The following ZDHHC14 variants were observed in gnomAD, a reference collection of about 807,000 sequenced individuals.
ZDHHC14 encodes palmitoyltransferase ZDHHC14.
In ZDHHC14, 16 loss-of-function variants were observed where a neutral mutation model predicts 47.7. The observed-to-expected ratio is 0.34, with a 90% CI of 0.23 to 0.51. The LOEUF (loss-of-function observed/expected upper bound fraction) is 0.51. Ranked by LOEUF, ZDHHC14 falls within the 20% of genes least tolerant of loss-of-function variation. The pLI is 0.97. For synonymous variants in ZDHHC14, 293 were observed against 278.9 expected, an observed-to-expected ratio of 1.05 and a Z score of -0.50; for missense variants, 515 against 662.5, an observed-to-expected ratio of 0.78 and a Z score of 2.44.
chr6:157,415,566 G>A (rs1032288377), intron 1 of ZDHHC14, among the ~76,000 whole-genome samples: 1 of 152,202 alleles, frequency 6.6e-6, no homozygotes, highest in Non-Finnish European at 1.5e-5. Flanking sequence ...GAATGCTTTA[G>A]AAGGGTGGAT....
chr6:157,553,635 G>T (rs1562477964), intron 2 of ZDHHC14, among the ~76,000 whole-genome samples: 1 of 151,800 alleles, frequency 6.6e-6, no homozygotes, highest in Non-Finnish European at 1.5e-5. Flanking sequence ...ATGCTGGGGG[G>T]TGGGAGAGGG....
At chr6:157,385,758 G>T (rs903828181) in intron 1 of ZDHHC14, among the ~76,000 whole-genome samples, 4 of 152,254 alleles carry the variant, frequency 2.6e-5, no homozygotes, top group Admixed American at 2.0e-4. Flanking sequence ...GCTTCTGGCT[G>T]CAAAGCCAGT....
At chr6:157,642,772 A>G (rs1777317733) in intron 5 of ZDHHC14, among the ~76,000 whole-genome samples, 1 of 152,166 alleles carries the variant, frequency 6.6e-6, no homozygotes, top group Non-Finnish European at 1.5e-5. Context: ...CTGTTTCTTG[A>G]CCTTATTATG....
intron 2 of ZDHHC14, among the ~76,000 whole-genome samples, chr6:157,549,391 A>G (rs1282774349): frequency 6.6e-6 from 1 of 152,142 alleles, no homozygotes; most frequent in Non-Finnish European, 1.5e-5. Flanking sequence ...GCCTTTTTCT[A>G]GTGGGACGCT....
intron 1 of ZDHHC14, among the ~76,000 whole-genome samples, chr6:157,538,875 G>A (rs2047970): frequency 6.6e-6 from 1 of 151,938 alleles, no homozygotes. Context: ...GAGTGAAAGC[G>A]GGTGCCTGCC....
intron 1 of ZDHHC14, among the ~76,000 whole-genome samples, chr6:157,388,893 C>T (rs941670379): frequency 2.4e-4 from 37 of 152,186 alleles, no homozygotes; most frequent in African/African-American, 8.4e-4. Flanking sequence ...CATCTTCCTG[C>T]CCATCCCTGA....
chr6:157,484,393 TATATACATATATATGTATACAC>T (rs1201696586), intron 1 of ZDHHC14, among the ~76,000 whole-genome samples: 6 of 146,316 alleles, frequency 4.1e-5, no homozygotes, highest in African/African-American at 1.3e-4. Flanking sequence ...TATATACGTA[TATATACATATATATGTATACAC>T]ATATACATAT....
chr6:157,422,322 T>C (rs1778126284), intron 1 of ZDHHC14, among the ~76,000 whole-genome samples: 1 of 152,204 alleles, frequency 6.6e-6, no homozygotes, highest in Non-Finnish European at 1.5e-5. Context: ...AAATTGTATT[T>C]TTTTTTTCTC....
chr6:157,535,935 G>A (rs959785482), intron 1 of ZDHHC14, among the ~76,000 whole-genome samples: 3 of 152,172 alleles, frequency 2.0e-5, no homozygotes, highest in African/African-American at 7.2e-5. Flanking sequence ...CTGCCTGTAA[G>A]TGAAAAGTAC....
chr6:157,411,004 T>C (rs1319987041), intron 1 of ZDHHC14, among the ~76,000 whole-genome samples: 1 of 152,148 alleles, frequency 6.6e-6, no homozygotes, highest in Non-Finnish European at 1.5e-5. Context: ...CTTGATTCCA[T>C]CTTTAACACC....
intron 2 of ZDHHC14, among the ~76,000 whole-genome samples, chr6:157,591,274 T>C (rs930812925): frequency 1.4e-4 from 22 of 152,144 alleles, no homozygotes; most frequent in African/African-American, 4.8e-4. Context: ...AGGGGCAGAA[T>C]GATATGGTTT....
chr6:157,492,431 CAAAGCGGGAAAGCGGG>C (rs201912099), intron 1 of ZDHHC14, among the ~76,000 whole-genome samples: 98 of 151,752 alleles, frequency 6.5e-4, no homozygotes, highest in Middle Eastern at 3.4e-3. Flanking sequence ...GGGAAACCGG[CAAAGCGGGAAAGCGGG>C]AAAGCGGGAA....
intron 1 of ZDHHC14, among the ~76,000 whole-genome samples, chr6:157,498,413 G>A (rs2114735582): frequency 6.6e-6 from 1 of 152,214 alleles, no homozygotes; most frequent in Middle Eastern, 3.4e-3. Context: ...ATGAGCAGAG[G>A]TGGAAAAGTG....
chr6:157,589,224 C>A (rs978312524), intron 2 of ZDHHC14, among the ~76,000 whole-genome samples: 1 of 152,076 alleles, frequency 6.6e-6, no homozygotes, highest in African/African-American at 2.4e-5. Context: ...ACAATGAGAT[C>A]TCATGATAAC....
intron 2 of ZDHHC14, among the ~76,000 whole-genome samples, chr6:157,568,281 A>G (rs995424596): frequency 1.3e-5 from 2 of 152,226 alleles, no homozygotes; most frequent in African/African-American, 4.8e-5. Context: ...AAAAGAATAA[A>G]GAAGAAAATG....
At chr6:157,473,994 T>C (rs1215973326) in intron 1 of ZDHHC14, among the ~76,000 whole-genome samples, 8 of 149,878 alleles carry the variant, frequency 5.3e-5, no homozygotes, top group South Asian at 2.1e-4. Context: ...TTTTCTTTTT[T>C]TTTTTTTTTT....
intron 3 of ZDHHC14, among the ~76,000 whole-genome samples, chr6:157,611,071 G>A (rs1784732881): frequency 2.0e-5 from 3 of 152,120 alleles, no homozygotes; most frequent in Non-Finnish European, 2.9e-5. Context: ...CTGGAGTGCT[G>A]TGATGCAATC....
chr6:157,438,009 GT>G lies in ZDHHC14; in HGVS notation c.245+55751del, dbSNP rs1316124331. 1.7e-4 allele frequency among the ~76,000 whole-genome samples: 26 copies of G among 151,602 alleles called. 1 individual carries two copies. Among genetic ancestry groups the G allele is most frequent in the Admixed American group, 1.4e-3 (22 of 15,228 alleles). On this transcript the variant is annotated intron_variant, in intron 1 of 8. Transcript: ENST00000359775. ...AAAGTTAGGTGTACTGAACTATCAT[GT>G]TTTTTTTATTGAGGTAAAATATACA...
intron 1 of ZDHHC14, among the ~76,000 whole-genome samples, chr6:157,520,042 G>A (rs959190803): frequency 1.3e-5 from 2 of 152,194 alleles, no homozygotes; most frequent in Non-Finnish European, 2.9e-5. Flanking sequence ...GGGAAGAGAA[G>A]GGCATTGCAG....
Sources: allele counts gnomAD v4.1 joint callset (sites outside exome capture counted in the v4.1 genomes callset), GRCh38; gene constraint gnomAD v4.1.1; transcripts MANE v1.5; gene names NCBI Gene and HGNC (gene_info 2026-07-23, HGNC 2026-07-21).